SKAP1: variants seen among roughly 807,000 people sequenced by gnomAD.
The protein encoded by SKAP1 is src kinase-associated phosphoprotein 1.
SKAP1 carries 44 observed loss-of-function variants against 58.5 expected under a neutral mutation model. The observed-to-expected ratio is 0.75, with a 90% confidence interval of 0.59 to 0.97. The LOEUF (loss-of-function observed/expected upper bound fraction) is 0.97. Ranked by LOEUF, SKAP1 falls within the 50% of genes least tolerant of loss-of-function variation. The pLI is 0.00. For missense variants in SKAP1, 390 were observed against 435.2 expected, an observed-to-expected ratio of 0.90 and a Z score of 0.92; for synonymous variants, 127 against 149.7, an observed-to-expected ratio of 0.85 and a Z score of 1.11.
At chr17:48,442,670 CCT>C in the SKAP1 span, among the ~76,000 whole-genome samples, 1 of 152,034 alleles carries the variant, frequency 6.6e-6, no homozygotes, top group Non-Finnish European at 1.5e-5. Context: ...ATCTTTCTTC[CCT>C]CTTTCTTCCT....
At chr17:48,190,939 C>T (rs1222030920) in intron 4 of SKAP1, among the ~76,000 whole-genome samples, 3 of 152,196 alleles carry the variant, frequency 2.0e-5, no homozygotes, top group African/African-American at 7.2e-5. Flanking sequence ...GAGCCGAGAT[C>T]GTGCCATTTC....
rs1225238423 is a variant in SKAP1 at position 48,349,297 on chromosome 17, G to C, written c.179-3291C>G. On this transcript the variant is annotated intron_variant, in intron 3 of 12. Coordinates refer to ENST00000336915, the MANE Select transcript of SKAP1 (RefSeq NM_003726.4). ...TAAATGGCCACAACTGTAGTCCAGTGGGATCAGACATAAATGATCACAAAC... is the reference window on the plus strand; with the variant it reads ...TAAATGGCCACAACTGTAGTCCAGTCGGATCAGACATAAATGATCACAAAC... Among the ~76,000 whole-genome samples the C allele has an allele frequency of 3.9e-5, 6 of 152,156 alleles. No individual in the cohort carries two copies. The East Asian group carries it at 1.2e-3, about 29-fold the overall frequency.
the SKAP1 span, among the ~76,000 whole-genome samples, chr17:48,444,461 T>G: frequency 6.6e-6 from 1 of 152,180 alleles, no homozygotes; most frequent in African/African-American, 2.4e-5. Context: ...GAACTTTAAT[T>G]CAAATATGTG....
At chr17:48,152,744 G>A (rs1042776919) in intron 11 of SKAP1, among the ~76,000 whole-genome samples, 1 of 152,188 alleles carries the variant, frequency 6.6e-6, no homozygotes, top group East Asian at 1.9e-4. Context: ...GGTTTATTCT[G>A]TGCAGTATTG....
chr17:48,263,182 TTAAC>T (rs2065502776), intron 4 of SKAP1, among the ~76,000 whole-genome samples: 1 of 152,228 alleles, frequency 6.6e-6, no homozygotes, highest in African/African-American at 2.4e-5. Flanking sequence ...GAGCTTGTCA[TTAAC>T]TACCAGCAGG....
intron 9 of SKAP1, among the ~76,000 whole-genome samples, chr17:48,178,787 C>A (rs1719303537): frequency 6.6e-6 from 1 of 152,126 alleles, no homozygotes; most frequent in Admixed American, 6.5e-5. Context: ...ACGTCAGACA[C>A]AAGAAATGGC....
chr17:48,378,428 C>A (rs1225713698), intron 2 of SKAP1, among the ~76,000 whole-genome samples: 1 of 152,178 alleles, frequency 6.6e-6, no homozygotes, highest in Non-Finnish European at 1.5e-5. Context: ...ACGTAAAGAA[C>A]CTGGTAAACC....
chr17:48,288,168 G>C (rs964833988), intron 4 of SKAP1, among the ~76,000 whole-genome samples: 1 of 152,198 alleles, frequency 6.6e-6, no homozygotes, highest in African/African-American at 2.4e-5. Flanking sequence ...TTTAAGACAA[G>C]TGGTAACATT....
chr17:48,391,952 GTGTTT>G (rs934848954), intron 2 of SKAP1, among the ~76,000 whole-genome samples: 31 of 152,172 alleles, frequency 2.0e-4, no homozygotes, highest in African/African-American at 7.5e-4. Context: ...TCATTTGAAT[GTGTTT>G]TGTTTTGGGG....
chr17:48,276,079 T>A (rs1409668554), intron 4 of SKAP1, among the ~76,000 whole-genome samples: 1 of 151,986 alleles, frequency 6.6e-6, no homozygotes, highest in Non-Finnish European at 1.5e-5. Flanking sequence ...TCTTAAAAAA[T>A]AAAGCCTAAC....
intron 2 of SKAP1, among the ~76,000 whole-genome samples, chr17:48,391,784 C>CTTTTTT (rs35958466): frequency 1.5e-5 from 2 of 130,862 alleles, no homozygotes; most frequent in Admixed American, 7.8e-5. Context: ...CTACCTCTTC[C>CTTTTTT]TTTTTTTTTT....
intron 4 of SKAP1, among the ~76,000 whole-genome samples, chr17:48,200,871 CT>C (rs2064719148): frequency 6.6e-6 from 1 of 152,170 alleles, no homozygotes; most frequent in Non-Finnish European, 1.5e-5. Context: ...ACTTGTTTCT[CT>C]TTTTATCCCC....
chr17:48,189,323 A>G (rs908911292), intron 5 of SKAP1, 100 bp downstream of exon 5: 9 of 935,136 alleles, frequency 9.6e-6, no homozygotes, highest in Non-Finnish European at 1.5e-5. Context: ...CGCCTAGCAC[A>G]GTACCGGGCA....
At chr17:48,363,856 T>C in intron 2 of SKAP1, 42 bp from the exon 3 acceptor site, 2 of 1,582,534 alleles carry the variant, frequency 1.3e-6, no homozygotes, top group Non-Finnish European at 1.7e-6. Flanking sequence ...AAGTCAAACT[T>C]GTATTTCTCA....
At chr17:48,187,080 A>G (rs2064465779) in intron 6 of SKAP1, among the ~76,000 whole-genome samples, 2 of 152,170 alleles carry the variant, frequency 1.3e-5, no homozygotes, top group Non-Finnish European at 1.5e-5. Flanking sequence ...AGTATCCCCT[A>G]TTCGAAAGTT....
intron 4 of SKAP1, among the ~76,000 whole-genome samples, chr17:48,236,637 C>T (rs1386550057): frequency 7.2e-5 from 11 of 152,028 alleles, no homozygotes; most frequent in East Asian, 1.9e-4. Context: ...GGAGGAGGAA[C>T]GAATAGGATG....
intron 4 of SKAP1, among the ~76,000 whole-genome samples, chr17:48,295,146 A>G (rs927215681): frequency 2.0e-5 from 3 of 152,172 alleles, no homozygotes; most frequent in African/African-American, 7.2e-5. Flanking sequence ...AGACTCTTAT[A>G]TGATCACTAT....
At chr17:48,178,316 T>C (rs774138645) in intron 9 of SKAP1, among the ~76,000 whole-genome samples, 2 of 151,296 alleles carry the variant, frequency 1.3e-5, no homozygotes, top group Non-Finnish European at 3.0e-5. Flanking sequence ...CCCGAGAAGG[T>C]TCACTGAGGT....
chr17:48,232,226 G>A (rs1469250058), intron 4 of SKAP1, among the ~76,000 whole-genome samples: 2 of 152,212 alleles, frequency 1.3e-5, no homozygotes, highest in African/African-American at 4.8e-5. Context: ...TGGGACTCAG[G>A]AATCTGTATG....
Sources: gnomAD v4.1 joint callset for allele counts (sites outside exome capture counted in the v4.1 genomes callset) on GRCh38, gnomAD v4.1.1 for gene constraint, MANE v1.5 for transcripts, NCBI Gene and HGNC (gene_info 2026-07-23, HGNC 2026-07-21) for gene names.